CRYBG1: variants seen among roughly 807,000 people sequenced by gnomAD.
CRYBG1 encodes the protein crystallin beta-gamma domain containing 1, also known as beta/gamma crystallin domain-containing protein 1.
In CRYBG1, 139 loss-of-function variants were observed where a neutral mutation model predicts 189.2. The ratio of observed to expected loss-of-function variants is 0.73; its 90% CI spans 0.64 to 0.85. The LOEUF (loss-of-function observed/expected upper bound fraction) is 0.85. Among genes scored for constraint, CRYBG1 ranks in the 40% least tolerant of loss-of-function variants. The pLI, the probability that CRYBG1 is intolerant of heterozygous loss-of-function variation, is 0.00. For missense variants in CRYBG1, 2,611 were observed against 2,675.8 expected (o/e 0.98, Z 0.53); for synonymous variants, 1,023 against 1,017.1 (o/e 1.01, Z -0.11).
At chr6:106,410,659 A>T (rs1393578225) in intron 1 of CRYBG1, among the ~76,000 whole-genome samples, 3 of 152,230 alleles carry the variant, frequency 2.0e-5, no homozygotes, top group Admixed American at 2.0e-4. Flanking sequence ...TAAAGAAAAC[A>T]TGCCACATAT....
chr6:106,466,500 T>TC (rs777964227), intron 2 of CRYBG1, among the ~76,000 whole-genome samples: 85 of 152,328 alleles, frequency 5.6e-4, no homozygotes, highest in Middle Eastern at 3.4e-3. Context: ...GGGAGTTTCT[T>TC]CTTTCAGCAA....
At chr6:106,414,842 T>G (rs548052287) in intron 1 of CRYBG1, among the ~76,000 whole-genome samples, 58 of 152,312 alleles carry the variant, frequency 3.8e-4, no homozygotes, top group African/African-American at 1.3e-3. Context: ...AAGGGTACTT[T>G]TCAACCCATG....
chr6:106,521,356 A>G lies in CRYBG1; in HGVS notation c.4148A>G (p.Asn1383Ser). ...AGTGTTATTAAATCAAACTTGCCAA[A>G]CTGTGCAAACAGTGACACCGACTTC... Reference protein sequence around the residue: ...IESVIKSNLPNCANSDTDFMG... With the variant: ...IESVIKSNLPSCANSDTDFMG... The change falls in exon 4 of 22, where the codon AAC becomes AGC. Residue 1383 changes from asparagine to serine, a missense_variant. Asn to Ser is a conservative substitution (Grantham distance 46). Transcript: ENST00000633556. 6.2e-7 allele frequency: 1 copy of G among 1,614,156 alleles called. No individual in the cohort carries two copies. Among genetic ancestry groups the G allele is most frequent in the Non-Finnish European group, 8.5e-7 (1 of 1,180,030 alleles).
chr6:106,423,695 CTT>C (rs869170326), intron 1 of CRYBG1, among the ~76,000 whole-genome samples: 31 of 42,948 alleles, frequency 7.2e-4, no homozygotes, highest in South Asian at 2.8e-3. Context: ...TCTCCCTCCC[CTT>C]TTTTTTTTTT....
Position 106,520,045 on chromosome 6 carries a change from G to A in CRYBG1, c.2837G>A (p.Gly946Glu). 6.2e-7 allele frequency: 1 copy of A among 1,614,178 alleles called. No homozygotes were observed. Among genetic ancestry groups the A allele is most frequent in the East Asian group, 2.2e-5 (1 of 44,894 alleles). The stretch of plus-strand genomic sequence containing the variant: ...ACAGAGCGTAGTCCAGAAGCTGTGG[G>A]AAGTGAGTGTCCATCCAGAGTCCTC... ...LSTERSPEAVGSECPSRVLVQ... is the reference protein window; with the variant it reads ...LSTERSPEAVESECPSRVLVQ... Residue 946 changes from glycine (G) to glutamate (E), a missense_variant, in exon 4 of 22, where the codon GGA becomes GAA. Gly to Glu is a moderately conservative substitution (Grantham distance 98). Around this residue, in one of 3 missense-constraint regions of CRYBG1, gnomAD observed 1,622 missense variants for 1,735.0 expected, o/e 0.93. Coordinates refer to ENST00000633556, the MANE Select transcript of CRYBG1 (RefSeq NM_001371242.2).
At chr6:106,505,527 C>A (rs906557137) in intron 2 of CRYBG1, among the ~76,000 whole-genome samples, 2 of 152,104 alleles carry the variant, frequency 1.3e-5, no homozygotes, top group African/African-American at 4.8e-5. Flanking sequence ...CCATGCCTGG[C>A]CTTGTTTTTC....
chr6:106,370,525 A>T (rs1770002763), intron 1 of CRYBG1, among the ~76,000 whole-genome samples: 1 of 152,152 alleles, frequency 6.6e-6, no homozygotes, highest in Non-Finnish European at 1.5e-5. Flanking sequence ...ATTCTTGAGG[A>T]TTCCCTGGCA....
At chr6:106,511,002 T>G (rs1307527405) in intron 2 of CRYBG1, among the ~76,000 whole-genome samples, 1 of 152,124 alleles carries the variant, frequency 6.6e-6, no homozygotes, top group Non-Finnish European at 1.5e-5. Context: ...GAATGGGCGG[T>G]GTTTCGGGAA....
At chr6:106,450,200 G>C (rs2207959) in intron 1 of CRYBG1, among the ~76,000 whole-genome samples, 25,941 of 145,316 alleles carry the variant, frequency 0.18, 2,650 homozygotes, top group Middle Eastern at 0.31. Context: ...CCTGGTGACA[G>C]AGTGAGACTC....
chr6:106,445,566 G>C (rs574891135), intron 1 of CRYBG1, among the ~76,000 whole-genome samples: 3 of 152,248 alleles, frequency 2.0e-5, no homozygotes, highest in Non-Finnish European at 4.4e-5. Context: ...ACATTCATAT[G>C]CATAATTACA....
chr6:106,511,466 C>T lies in CRYBG1; in HGVS notation c.349C>T (p.Pro117Ser), dbSNP rs1192026120. Residue 117 changes from proline to serine, a missense_variant, in exon 3 of 22, where the codon CCA (proline) becomes TCA (serine). Physicochemically the swap from Pro to Ser is moderately conservative, Grantham distance 74. Coordinates refer to ENST00000633556, the MANE Select transcript of CRYBG1 (RefSeq NM_001371242.2). ...ACCTCCAGAAGACAACAGAAGGAAG[C>T]CAGTTTTGGGGAAACTTGGCACTCT... The part of the protein sequence containing the change: ...AQPPEDNRRK[P>S]VLGKLGTLFT... 1.9e-5 allele frequency: 29 copies of T among 1,535,708 alleles called. No homozygotes were observed. Among genetic ancestry groups the T allele is most frequent in the Non-Finnish European group, 2.5e-5 (29 of 1,146,708 alleles).
intron 2 of CRYBG1, among the ~76,000 whole-genome samples, chr6:106,453,344 T>C (rs1463159358): frequency 6.6e-6 from 1 of 152,220 alleles, no homozygotes; most frequent in South Asian, 2.1e-4. Context: ...AATAGCATAA[T>C]ATCAATAAGG....
chr6:106,444,536 G>A (rs1053895470), intron 1 of CRYBG1, among the ~76,000 whole-genome samples: 1 of 152,102 alleles, frequency 6.6e-6, no homozygotes, highest in Non-Finnish European at 1.5e-5. Context: ...CTTCCTCTGG[G>A]ACCAATGCTA....
intron 8 of CRYBG1, among the ~76,000 whole-genome samples, chr6:106,538,750 G>A (rs543742803): frequency 2.3e-4 from 35 of 152,182 alleles, no homozygotes; most frequent in Non-Finnish European, 1.6e-4. Flanking sequence ...GCAAAACTTA[G>A]TCGGATGTGG....
At chr6:106,387,398 C>T (rs1770412156) in intron 1 of CRYBG1, among the ~76,000 whole-genome samples, 1 of 152,190 alleles carries the variant, frequency 6.6e-6, no homozygotes, top group Non-Finnish European at 1.5e-5. Context: ...GGAAGAGACT[C>T]CGCTCCCCTC....
intron 2 of CRYBG1, among the ~76,000 whole-genome samples, chr6:106,507,982 C>T (rs1773167212): frequency 6.6e-6 from 1 of 152,206 alleles, no homozygotes; most frequent in Non-Finnish European, 1.5e-5. Flanking sequence ...TACGGTGGCT[C>T]ACATCTATCA....
chr6:106,519,861 C>G lies in CRYBG1; in HGVS notation c.2653C>G (p.Pro885Ala), dbSNP rs1281685103. 2 of 1,614,146 alleles carry G rather than the reference C, an allele frequency of 1.2e-6. No homozygotes were observed. Among genetic ancestry groups the G allele is most frequent in the Non-Finnish European group, 1.7e-6 (2 of 1,180,038 alleles). ...SLSAPAPGDV[P>A]KDTCVQSPIS... ...GTCTGCACCCGCTCCTGGGGATGTTCCCAAAGACACATGTGTTCAATCACC... is the reference window on the plus strand; with the variant it reads ...GTCTGCACCCGCTCCTGGGGATGTTGCCAAAGACACATGTGTTCAATCACC... The change falls in exon 4 of 22, where the codon CCC becomes GCC. Residue 885 changes from proline (P) to alanine (A), a missense_variant. Around this residue, in one of 3 missense-constraint regions of CRYBG1, gnomAD observed 1,622 missense variants for 1,735.0 expected, o/e 0.93. Coordinates refer to ENST00000633556, the MANE Select transcript of CRYBG1 (RefSeq NM_001371242.2).
chr6:106,453,961 T>A (rs1216438760), intron 2 of CRYBG1, among the ~76,000 whole-genome samples: 2 of 151,706 alleles, frequency 1.3e-5, no homozygotes, highest in Non-Finnish European at 2.9e-5. Flanking sequence ...AGAGGCAGAG[T>A]GTGGTTCAGG....
chr6:106,497,155 ACCC>A (rs1257645237), intron 2 of CRYBG1, among the ~76,000 whole-genome samples: 1 of 146,506 alleles, frequency 6.8e-6, no homozygotes, highest in African/African-American at 2.7e-5. Context: ...CACCCTCCCC[ACCC>A]CCCATGACAC....
Sources: gnomAD v4.1 joint callset for allele counts (sites outside exome capture counted in the v4.1 genomes callset) on GRCh38, gnomAD v4.1.1 for gene constraint, gnomAD v4.1.1 regional missense constraint, MANE v1.5 for transcripts, NCBI Gene and HGNC (gene_info 2026-07-23, HGNC 2026-07-21) for gene names.